Variants in JAZF1 observed in about 807,000 individuals in gnomAD.
The protein encoded by JAZF1 is JAZF zinc finger 1, also known as juxtaposed with another zinc finger protein 1.
Under a neutral mutation model 26.4 loss-of-function variants are expected in JAZF1, and 8 were observed. That is an observed-to-expected ratio of 0.30 (90% CI 0.18 to 0.55). The LOEUF (loss-of-function observed/expected upper bound fraction) is 0.55, where lower values mean the gene tolerates loss of function less well. Ranked by LOEUF, JAZF1 falls within the 20% of genes least tolerant of loss-of-function variation. The pLI is 0.94. For missense variants in JAZF1, 199 were observed against 322.0 expected (o/e 0.62, Z 2.92); for synonymous variants, 126 against 122.3 (o/e 1.03, Z -0.20).
At chr7:27,955,320 C>T (rs895002566) in intron 2 of JAZF1, among the ~76,000 whole-genome samples, 1 of 152,182 alleles carries the variant, frequency 6.6e-6, no homozygotes, top group Admixed American at 6.5e-5. Context: ...TAATTTATAT[C>T]ATTTCATTTA....
Position 28,157,566 on chromosome 7 carries a change from G to A in JAZF1, c.115+22897C>T, listed in dbSNP as rs564443045. On this transcript the variant is annotated intron_variant, in intron 1 of 4. Transcript: ENST00000283928. ...GCGGGCTGTACAAAAACAGGAGACA[G>A]GCCAAATCTGTCCCAAGGGCAGCAA... 2.6e-5 allele frequency among the ~76,000 whole-genome samples: 4 copies of A among 152,254 alleles called. No homozygotes were observed. The South Asian group carries it at 6.2e-4, about 24-fold the overall frequency.
At chr7:27,868,436 GC>G (rs141681804) in intron 3 of JAZF1, among the ~76,000 whole-genome samples, 425 of 152,156 alleles carry the variant, frequency 2.8e-3, no homozygotes, top group African/African-American at 9.8e-3. Flanking sequence ...AGATTCCTCC[GC>G]CCCTGCATGG....
chr7:27,864,304 A>G (rs1370788138), intron 3 of JAZF1, among the ~76,000 whole-genome samples: 1 of 152,260 alleles, frequency 6.6e-6, no homozygotes, highest in African/African-American at 2.4e-5. Context: ...CCACAAAGCC[A>G]TAACAAGAAA....
At chr7:28,104,190 C>T (rs1784517088) in intron 1 of JAZF1, among the ~76,000 whole-genome samples, 1 of 152,178 alleles carries the variant, frequency 6.6e-6, no homozygotes, top group African/African-American at 2.4e-5. Flanking sequence ...ACTCCCCAGC[C>T]ACCCTAGGTA....
chr7:28,033,115 A>G (rs192781032), intron 1 of JAZF1, among the ~76,000 whole-genome samples: 24 of 152,322 alleles, frequency 1.6e-4, no homozygotes, highest in Middle Eastern at 3.4e-3. Context: ...TGGGGAGTCC[A>G]TCTTTTCCAT....
chr7:27,941,888 TG>T (rs1405034135), intron 2 of JAZF1, among the ~76,000 whole-genome samples: 2 of 151,970 alleles, frequency 1.3e-5, no homozygotes, highest in African/African-American at 4.8e-5. Context: ...TGCTGGAAAG[TG>T]GGGTAAGGGG....
chr7:27,992,227 C>G (rs1192898967), intron 1 of JAZF1: 6 of 577,890 alleles, frequency 1.0e-5, no homozygotes, highest in African/African-American at 1.9e-5. Flanking sequence ...CACACAAACT[C>G]TTGCACAATC....
chr7:28,075,769 G>T (rs1236852306), intron 1 of JAZF1, among the ~76,000 whole-genome samples: 1 of 152,022 alleles, frequency 6.6e-6, no homozygotes, highest in East Asian at 1.9e-4. Flanking sequence ...AAAAAAAAAG[G>T]CTGTGCACTA....
chr7:28,051,490 G>T (rs917099301), intron 1 of JAZF1, among the ~76,000 whole-genome samples: 2 of 152,140 alleles, frequency 1.3e-5, no homozygotes, highest in Middle Eastern at 3.4e-3. Context: ...GAAATTACAG[G>T]CGTCAGCCAC....
intron 1 of JAZF1, among the ~76,000 whole-genome samples, chr7:28,012,799 T>G (rs1488831699): frequency 6.6e-6 from 1 of 152,262 alleles, no homozygotes; most frequent in Non-Finnish European, 1.5e-5. Context: ...CAACATCTCT[T>G]GAGACTCTTC....
At chr7:27,912,021 G>A (rs1784366801) in intron 2 of JAZF1, among the ~76,000 whole-genome samples, 2 of 152,172 alleles carry the variant, frequency 1.3e-5, no homozygotes, top group Non-Finnish European at 2.9e-5. Context: ...TCCTCTCAAA[G>A]GCATAGCATT....
chr7:28,134,194 G>A (rs1238170104), intron 1 of JAZF1, among the ~76,000 whole-genome samples: 1 of 151,950 alleles, frequency 6.6e-6, no homozygotes, highest in East Asian at 1.9e-4. Context: ...TTTTAATTTG[G>A]GAATTTCTCT....
intron 1 of JAZF1, among the ~76,000 whole-genome samples, chr7:28,103,897 C>T (rs1234564223): frequency 6.6e-6 from 1 of 152,198 alleles, no homozygotes; most frequent in Non-Finnish European, 1.5e-5. Flanking sequence ...CCATCCTGTC[C>T]TCCTCTTCTC....
At chr7:27,855,897 A>T (rs1036953823) in intron 3 of JAZF1, among the ~76,000 whole-genome samples, 3 of 152,218 alleles carry the variant, frequency 2.0e-5, no homozygotes, top group Non-Finnish European at 4.4e-5. Context: ...AAAAACCAGC[A>T]GAGACACAAC....
At chr7:27,986,916 C>T (rs554336666) in intron 2 of JAZF1, among the ~76,000 whole-genome samples, 27 of 152,242 alleles carry the variant, frequency 1.8e-4, no homozygotes, top group African/African-American at 5.8e-4. Context: ...CTGGGCCTCC[C>T]GAGGTGCCAG....
chr7:27,937,078 A>C (rs1186695938), intron 2 of JAZF1, among the ~76,000 whole-genome samples: 1 of 152,202 alleles, frequency 6.6e-6, no homozygotes, highest in East Asian at 1.9e-4. Context: ...CAACAGTGTT[A>C]GGTTTTTTCT....
intron 1 of JAZF1, among the ~76,000 whole-genome samples, chr7:28,019,974 CTCTT>C (rs1309235742): frequency 6.6e-6 from 1 of 152,100 alleles, no homozygotes; most frequent in Admixed American, 6.5e-5. Flanking sequence ...ATATACCTAC[CTCTT>C]TCTGAGGGCT....
chr7:27,961,341 C>T (rs1785182154), intron 2 of JAZF1, among the ~76,000 whole-genome samples: 1 of 152,164 alleles, frequency 6.6e-6, no homozygotes, highest in African/African-American at 2.4e-5. Context: ...CTCCCACGGA[C>T]CCACGACATG....
chr7:27,910,626 T>C (rs560933715), intron 2 of JAZF1, among the ~76,000 whole-genome samples: 4 of 152,212 alleles, frequency 2.6e-5, no homozygotes, highest in South Asian at 4.1e-4. Flanking sequence ...AACCTGATTA[T>C]CCCAAATCCC....
Sources: allele counts gnomAD v4.1 joint callset (sites outside exome capture counted in the v4.1 genomes callset), GRCh38; gene constraint gnomAD v4.1.1; transcripts MANE v1.5; gene names NCBI Gene and HGNC (gene_info 2026-07-23, HGNC 2026-07-21).